Variants in ELF4 observed in about 807,000 individuals in gnomAD.
ELF4 encodes the protein ETS-related transcription factor Elf-4.
In ELF4, 10 loss-of-function variants were observed where a neutral mutation model predicts 31.7. That is an observed-to-expected ratio of 0.32 (90% CI 0.19 to 0.54). The LOEUF (loss-of-function observed/expected upper bound fraction) is 0.54, where lower values mean the gene tolerates loss of function less well. Ranked by LOEUF, ELF4 falls within the 20% of genes least tolerant of loss-of-function variation. The pLI is 0.95. For missense variants in ELF4, 418 were observed against 522.0 expected (o/e 0.80, Z 1.94); for synonymous variants, 208 against 226.7 (o/e 0.92, Z 0.74).
At chrX:130,111,012 G>A (rs1603214823), upstream of ELF4, among the ~76,000 whole-genome samples, 1 of 95,338 alleles carries the variant, frequency 1.0e-5, no homozygotes, top group Admixed American at 1.1e-4. Context: ...GGCGGGGTGG[G>A]GGAGGGAACG....
chrX:130,089,141 G>A (rs779017681), intron 1 of ELF4, among the ~76,000 whole-genome samples: 2 of 110,538 alleles, frequency 1.8e-5, no homozygotes, highest in Admixed American at 9.6e-5. Context: ...GGGCAGCCTC[G>A]GCTCCAGAAG....
intron 2 of ELF4, among the ~76,000 whole-genome samples, chrX:130,075,799 C>T (rs1046716471): frequency 9.9e-5 from 11 of 111,505 alleles, no homozygotes; most frequent in Admixed American, 1.9e-4. Flanking sequence ...CTTCGGGCTC[C>T]GTCTGTGGCA....
Position 130,071,340 on chromosome X carries a change from G to A in ELF4, c.612C>T (p.Gly204=), listed in dbSNP as rs1457848527. 8.3e-7 allele frequency: 1 copy of A among 1,210,327 alleles called. No homozygotes were observed. The highest frequency in any genetic ancestry group is 1.1e-6 in the Non-Finnish European group (1 of 895,226). ...CTGAGTCCCAGCTGTCCATACCTTTGCCATCCTTTGATTTCTTCCTAATGG... is the reference window on the plus strand; with the variant it reads ...CTGAGTCCCAGCTGTCCATACCTTTACCATCCTTTGATTTCTTCCTAATGG... ...SIPIRKKSKD[G]KGSTIYLWEF... is the part of the protein sequence containing the mutation. The change falls in exon 6 of 9, where the codon GGC becomes GGT. Residue 204 remains glycine, a synonymous_variant. Coordinates refer to ENST00000308167, the MANE Select transcript of ELF4 (RefSeq NM_001421.4).
At chrX:130,094,306 C>T (rs1316524473) in intron 1 of ELF4, among the ~76,000 whole-genome samples, 1 of 108,599 alleles carries the variant, frequency 9.2e-6, no homozygotes, top group Non-Finnish European at 1.9e-5. Context: ...ATCACTTGAA[C>T]CCAGGAGGCA....
chrX:130,102,853 T>TGA (rs748191970), intron 1 of ELF4, among the ~76,000 whole-genome samples: 220 of 58,482 alleles, frequency 3.8e-3, no homozygotes, highest in East Asian at 6.7e-3. Flanking sequence ...AAGATAAAGA[T>TGA]GAGAGAGAGA....
Position 130,071,239 on chromosome X carries a change from A to T in ELF4, c.617-7T>A, listed in dbSNP as rs1932784604. ...CACAGATAGATGGTGCTGCCTGCAG[A>T]GGGGCAGGCCGTGAGGGGCAGCCTG... On this transcript the variant is annotated splice_region_variant and splice_polypyrimidine_tract_variant and intron_variant, in intron 6 of 8. Coordinates refer to ENST00000308167, the MANE Select transcript of ELF4 (RefSeq NM_001421.4). The T allele has an allele frequency of 8.3e-7, 1 of 1,211,375 alleles. No individual in the cohort carries two copies. Among genetic ancestry groups the T allele is most frequent in the Non-Finnish European group, 1.1e-6 (1 of 895,423 alleles).
intron 1 of ELF4, among the ~76,000 whole-genome samples, chrX:130,108,429 G>A (rs1933413414): frequency 3.6e-5 from 4 of 111,856 alleles, no homozygotes; most frequent in Admixed American, 1.9e-4. Flanking sequence ...GAGCAGAAGA[G>A]CAGAGGTTTC....
Position 130,091,745 on chromosome X carries a change from C to T in ELF4, c.-209-10206G>A, listed in dbSNP as rs746357933. On this transcript the variant is annotated intron_variant, in intron 1 of 8. Transcript: ENST00000308167. Reference sequence around the variant, plus strand: ...GTGAGTTCTGCCCATGATGTGACCTCGAGCAGGTCACTTCTGCTTTGTGTG... The same window carrying T: ...GTGAGTTCTGCCCATGATGTGACCTTGAGCAGGTCACTTCTGCTTTGTGTG... Among the ~76,000 whole-genome samples the T allele has an allele frequency of 7.9e-4, 88 of 111,670 alleles. 1 individual carries two copies. The highest frequency in any genetic ancestry group is 2.5e-3 in the African/African-American group (76 of 30,732).
At chrX:130,094,182 G>A (rs12853463) in intron 1 of ELF4, among the ~76,000 whole-genome samples, 1 of 111,209 alleles carries the variant, frequency 9.0e-6, no homozygotes, top group African/African-American at 3.3e-5. Context: ...TCAGGAGTTC[G>A]AGACCAGCCT....
chrX:130,090,925 G>A (rs921645913), intron 1 of ELF4, among the ~76,000 whole-genome samples: 2 of 111,160 alleles, frequency 1.8e-5, no homozygotes, highest in Admixed American at 9.6e-5. Flanking sequence ...TAATCCTCCC[G>A]CCTCAGCCTC....
At chrX:130,102,617 C>T (rs1046298162) in intron 1 of ELF4, among the ~76,000 whole-genome samples, 8 of 106,635 alleles carry the variant, frequency 7.5e-5, no homozygotes, top group Admixed American at 6.2e-4. Flanking sequence ...AGTTCAAGAT[C>T]AGCCTGGGCA....
chrX:130,068,624 C>A (rs930535797), intron 8 of ELF4, among the ~76,000 whole-genome samples: 16 of 112,777 alleles, frequency 1.4e-4, no homozygotes, highest in African/African-American at 5.1e-4. Context: ...TCGGAGGCCC[C>A]TTAGTGGGGA....
At chrX:130,088,182 C>T (rs1014903425) in intron 1 of ELF4, among the ~76,000 whole-genome samples, 1 of 110,353 alleles carries the variant, frequency 9.1e-6, no homozygotes, top group Non-Finnish European at 1.9e-5. Context: ...GAGCTGAGAT[C>T]GCGCCACTGC....
At position 130,064,638 on chromosome X, in the gene ELF4, G is replaced by T. The variant is rs769824263; in HGVS notation, c.*2083C>A. ...ATGGATGAGATTCTTGAACAGCCAC[G>T]TTGGAAGTGGTAGGTGAAGAACCAG... On this transcript the variant is annotated 3_prime_UTR_variant, in exon 9 of 9. Coordinates refer to ENST00000308167, the MANE Select transcript of ELF4 (RefSeq NM_001421.4). 8.9e-6 allele frequency among the ~76,000 whole-genome samples: 1 copy of T among 111,831 alleles called. No homozygotes were observed. Among genetic ancestry groups the T allele is most frequent in the East Asian group, 2.8e-4 (1 of 3,553 alleles).
intron 1 of ELF4, among the ~76,000 whole-genome samples, chrX:130,094,493 G>A (rs1320651248): frequency 1.8e-5 from 2 of 109,007 alleles, no homozygotes; most frequent in African/African-American, 6.7e-5. Flanking sequence ...CTTGAAACCC[G>A]GAGGCAGAGG....
chrX:130,065,063 T>C lies in ELF4; in HGVS notation c.*1658A>G, dbSNP rs1932630618. On this transcript the variant is annotated 3_prime_UTR_variant, in exon 9 of 9. Coordinates refer to ENST00000308167, the MANE Select transcript of ELF4 (RefSeq NM_001421.4). ...GGAGAAGAAGAGTAGGAGAGGGTGATAGTTGTTGGCTTAACAAAGAAGAGA... is the reference window on the plus strand; with the variant it reads ...GGAGAAGAAGAGTAGGAGAGGGTGACAGTTGTTGGCTTAACAAAGAAGAGA... 1 of 172,528 alleles carries C rather than the reference T, an allele frequency of 5.8e-6. No individual in the cohort carries two copies. Among genetic ancestry groups the C allele is most frequent in the Non-Finnish European group, 1.1e-5 (1 of 90,252 alleles). The allele number at this position is 172,528 out of a possible 1,213,427, so 14.2% of individuals were successfully genotyped here. A position where few individuals can be genotyped will look rare whatever the true frequency, so the allele number is the denominator to read the frequency against.
chrX:130,083,828 A>C (rs974369650), intron 1 of ELF4, among the ~76,000 whole-genome samples: 255 of 96,085 alleles, frequency 2.7e-3, no homozygotes, highest in African/African-American at 9.3e-3. Flanking sequence ...GGCTGGATGG[A>C]TGGCTGGATG....
At chrX:130,086,818 T>A (rs1274516979) in intron 1 of ELF4, among the ~76,000 whole-genome samples, 2 of 112,356 alleles carry the variant, frequency 1.8e-5, no homozygotes, top group Non-Finnish European at 3.8e-5. Context: ...CTCCAGACGG[T>A]GGACCCCACT....
chrX:130,100,521 C>T (rs1291925783), intron 1 of ELF4, among the ~76,000 whole-genome samples: 2 of 111,751 alleles, frequency 1.8e-5, no homozygotes, highest in East Asian at 2.8e-4. Context: ...GGCTCATTCA[C>T]GGAGTTTCTC....
Sources: gnomAD v4.1 joint callset for allele counts (sites outside exome capture counted in the v4.1 genomes callset) on GRCh38, gnomAD v4.1.1 for gene constraint, MANE v1.5 for transcripts, NCBI Gene and HGNC (gene_info 2026-07-23, HGNC 2026-07-21) for gene names.